The following WDPCP variants were observed in gnomAD, a reference collection of about 807,000 sequenced individuals.
The protein encoded by WDPCP is WD repeat containing planar cell polarity effector, also known as WD repeat-containing and planar cell polarity effector protein fritz homolog.
Under a neutral mutation model 93.1 loss-of-function variants are expected in WDPCP, and 71 were observed. The observed-to-expected ratio is 0.76, with a 90% CI of 0.63 to 0.93. The LOEUF (loss-of-function observed/expected upper bound fraction) is 0.93. Among genes scored for constraint, WDPCP ranks in the 40% least tolerant of loss-of-function variants. WDPCP has a pLI of 0.00. For synonymous variants in WDPCP, 315 were observed against 315.0 expected (o/e 1.00, Z 0.00); for missense variants, 844 against 887.4 (o/e 0.95, Z 0.62).
At chr2:63,270,498 A>G (rs1350961864) in intron 13 of WDPCP, among the ~76,000 whole-genome samples, 1 of 152,162 alleles carries the variant, frequency 6.6e-6, no homozygotes, top group Non-Finnish European at 1.5e-5. Flanking sequence ...GAGGCTTTCA[A>G]GATGGCTAAC....
At chr2:63,839,093 G>A in the WDPCP span, among the ~76,000 whole-genome samples, 2 of 152,306 alleles carry the variant, frequency 1.3e-5, no homozygotes, top group African/African-American at 4.8e-5. Flanking sequence ...GAGGCAGCAA[G>A]TGTACAACAA....
At chr2:63,447,841 A>T (rs1348341669) in intron 6 of WDPCP, among the ~76,000 whole-genome samples, 1 of 152,150 alleles carries the variant, frequency 6.6e-6, no homozygotes, top group Non-Finnish European at 1.5e-5. Flanking sequence ...GTGTGTATAC[A>T]TACACATACA....
intron 2 of WDPCP, among the ~76,000 whole-genome samples, chr2:63,769,044 A>C (rs1670187372): frequency 6.6e-6 from 1 of 151,974 alleles, no homozygotes; most frequent in Non-Finnish European, 1.5e-5. Context: ...AACTACTCTG[A>C]GTTTGATAAC....
chr2:63,144,745 T>G (rs993847979), intron 17 of WDPCP, among the ~76,000 whole-genome samples: 3 of 152,220 alleles, frequency 2.0e-5, no homozygotes, highest in African/African-American at 7.2e-5. Flanking sequence ...CTCCCTAAAT[T>G]CTTTTTCAGG....
At chr2:63,762,709 A>C (rs1670075751) in intron 2 of WDPCP, among the ~76,000 whole-genome samples, 2 of 152,142 alleles carry the variant, frequency 1.3e-5, no homozygotes, top group South Asian at 4.1e-4. Flanking sequence ...TCGTCTTATA[A>C]AGCCACTGGT....
chr2:63,333,053 G>A (rs989580996), intron 12 of WDPCP, among the ~76,000 whole-genome samples: 32 of 152,064 alleles, frequency 2.1e-4, no homozygotes, highest in Non-Finnish European at 1.3e-4. Context: ...ATGAGAACAC[G>A]ATTTTTTATT....
At chr2:63,299,666 C>A (rs1413203818) in intron 13 of WDPCP, among the ~76,000 whole-genome samples, 5 of 152,180 alleles carry the variant, frequency 3.3e-5, no homozygotes, top group African/African-American at 1.2e-4. Context: ...TCGAGACCCT[C>A]TTTGTAATGT....
At chr2:63,621,232 C>CTAA (rs1709732829) in intron 3 of WDPCP, among the ~76,000 whole-genome samples, 1 of 151,878 alleles carries the variant, frequency 6.6e-6, no homozygotes, top group Non-Finnish European at 1.5e-5. Context: ...CTCCTCTGAG[C>CTAA]TAAAGGAGCA....
rs574807863 is a variant in WDPCP, at chr2:63,348,625, TTGA to T, written c.1748+29758_1748+29760del. Among the ~76,000 whole-genome samples, 455 of 152,294 alleles carry T rather than the reference TTGA, an allele frequency of 3.0e-3. 3 individuals carry two copies. Among genetic ancestry groups the T allele is most frequent in the African/African-American group, 0.01 (421 of 41,572 alleles). On this transcript the variant is annotated intron_variant, in intron 12 of 17. Coordinates refer to ENST00000272321, the MANE Select transcript of WDPCP (RefSeq NM_015910.7). Reference sequence around the variant, plus strand: ...ATATTTAATTGTGCTTATATGGGTATTGATGATATAATGTTGCAAAATGACTAC... The same window carrying T: ...ATATTTAATTGTGCTTATATGGGTATTGATATAATGTTGCAAAATGACTAC...
At chr2:63,570,923 T>G (rs1396869644) in intron 1 of WDPCP, among the ~76,000 whole-genome samples, 2 of 152,052 alleles carry the variant, frequency 1.3e-5, no homozygotes, top group Admixed American at 1.3e-4. Flanking sequence ...CTTTTTTTTT[T>G]GAGGTGGAGT....
At chr2:63,618,999 TTTTTTG>T (rs1455829910) in intron 3 of WDPCP, among the ~76,000 whole-genome samples, 1 of 152,200 alleles carries the variant, frequency 6.6e-6, no homozygotes, top group Non-Finnish European at 1.5e-5. Flanking sequence ...TGGATAATCA[TTTTTTG>T]TTTTAAATGG....
chr2:63,126,499 C>G (rs1669911108), intron 17 of WDPCP, among the ~76,000 whole-genome samples: 1 of 152,202 alleles, frequency 6.6e-6, no homozygotes, highest in South Asian at 2.1e-4. Flanking sequence ...TAGACTGAGA[C>G]AGTTTGCTTA....
Position 63,212,476 on chromosome 2 carries a change from A to C in WDPCP, c.1916-37644T>G, listed in dbSNP as rs1676907456. On this transcript the variant is annotated intron_variant, in intron 14 of 17. Coordinates refer to ENST00000272321, the MANE Select transcript of WDPCP (RefSeq NM_015910.7). The stretch of plus-strand genomic sequence containing the variant: ...AGAGCTCCTGAAGGAAGCACTAAAC[A>C]TGGAAAGGAAGAAATGGTACCAGCC... Among the ~76,000 whole-genome samples the C allele has an allele frequency of 2.6e-5, 4 of 152,316 alleles. No homozygotes were observed. The South Asian group carries it at 6.2e-4, about 24-fold the overall frequency.
At chr2:63,185,719 G>A (rs1234171372) in intron 14 of WDPCP, among the ~76,000 whole-genome samples, 1 of 152,180 alleles carries the variant, frequency 6.6e-6, no homozygotes, top group African/African-American at 2.4e-5. Flanking sequence ...GCACTTGTAA[G>A]TAAGAGCTGG....
Position 63,408,063 on chromosome 2 carries a change from C to T in WDPCP, c.826-3406G>A, listed in dbSNP as rs184890904. 1.6e-3 allele frequency among the ~76,000 whole-genome samples: 242 copies of T among 152,206 alleles called. 1 individual carries two copies. The highest frequency in any genetic ancestry group is 5.1e-3 in the African/African-American group (212 of 41,520). ...AGGCTCTGTAGTTTCACGAAGAAAACGGGGTAAAAAGTGGAGGTGGATGGG... is the reference window on the plus strand; with the variant it reads ...AGGCTCTGTAGTTTCACGAAGAAAATGGGGTAAAAAGTGGAGGTGGATGGG... On this transcript the variant is annotated intron_variant, in intron 9 of 17. Transcript: ENST00000272321.
chr2:63,685,254 C>G (rs1321977996), intron 2 of WDPCP, among the ~76,000 whole-genome samples: 5 of 152,030 alleles, frequency 3.3e-5, no homozygotes. Flanking sequence ...TAAATAAAAT[C>G]AGAGATGAAA....
intron 2 of WDPCP, among the ~76,000 whole-genome samples, chr2:63,767,764 C>A (rs1351065651): frequency 6.6e-6 from 1 of 152,018 alleles, no homozygotes; most frequent in Admixed American, 6.6e-5. Flanking sequence ...ATGTGATATG[C>A]AAATATTTTG....
intron 2 of WDPCP, among the ~76,000 whole-genome samples, chr2:63,709,370 T>G (rs1669225384): frequency 6.6e-6 from 1 of 152,050 alleles, no homozygotes; most frequent in African/African-American, 2.4e-5. Context: ...TTACCCTCAG[T>G]CCCATCCCCT....
At chr2:63,588,906 C>A, upstream of WDPCP, 1 of 1,193,100 alleles carries the variant, frequency 8.4e-7, no homozygotes. Flanking sequence ...CTACAGTTCC[C>A]AGAGAGCGCC....
Sources: allele counts gnomAD v4.1 joint callset (sites outside exome capture counted in the v4.1 genomes callset), GRCh38; gene constraint gnomAD v4.1.1; transcripts MANE v1.5; gene names NCBI Gene and HGNC (gene_info 2026-07-23, HGNC 2026-07-21).